SRPK1: variants seen among roughly 807,000 people sequenced by gnomAD.
SRPK1 encodes the protein SFRS protein kinase 1.
A neutral mutation model predicts 89.5 loss-of-function variants in SRPK1; 52 were observed. The observed-to-expected ratio is 0.58, with a 90% CI of 0.46 to 0.73. SRPK1 has a LOEUF of 0.73. Ranked by LOEUF, SRPK1 falls within the 30% of genes least tolerant of loss-of-function variation. SRPK1 has a pLI of 0.00. For synonymous variants in SRPK1, 255 were observed against 270.2 expected, an observed-to-expected ratio of 0.94 and a Z score of 0.55; for missense variants, 603 against 780.6, an observed-to-expected ratio of 0.77 and a Z score of 2.71.
intron 10 of SRPK1, 120 bp downstream of exon 10, chr6:35,870,161 T>C (rs1233094087): frequency 3.2e-6 from 3 of 937,190 alleles, no homozygotes; most frequent in Admixed American, 6.2e-5. Flanking sequence ...ACAAGATCCA[T>C]ATTCTTATAA....
intron 2 of SRPK1, among the ~76,000 whole-genome samples, chr6:35,893,278 A>G (rs1283975243): frequency 1.3e-5 from 2 of 152,218 alleles, no homozygotes; most frequent in Non-Finnish European, 2.9e-5. Flanking sequence ...TGAGCCTAAA[A>G]GTTCAAGACC....
chr6:35,884,864 G>A (rs767659981), intron 6 of SRPK1, among the ~76,000 whole-genome samples: 1 of 152,074 alleles, frequency 6.6e-6, no homozygotes, highest in Non-Finnish European at 1.5e-5. Context: ...GCTGGGTGTG[G>A]TGGCATCCAC....
chr6:35,853,874 G>A (rs1769610362), intron 13 of SRPK1, among the ~76,000 whole-genome samples: 1 of 145,972 alleles, frequency 6.9e-6, no homozygotes, highest in Non-Finnish European at 1.5e-5. Flanking sequence ...CCTGACTCCA[G>A]CATTCGGAGA....
At chr6:35,849,393 T>C (rs1285904129) in intron 13 of SRPK1, among the ~76,000 whole-genome samples, 1 of 152,212 alleles carries the variant, frequency 6.6e-6, no homozygotes, top group Non-Finnish European at 1.5e-5. Context: ...TTGGTGGGAA[T>C]GTAAATTAGT....
intron 2 of SRPK1, among the ~76,000 whole-genome samples, chr6:35,919,219 G>C (rs908302536): frequency 6.6e-6 from 1 of 152,136 alleles, no homozygotes; most frequent in Admixed American, 6.5e-5. Context: ...ACAAGACTTC[G>C]TCACCAAGCA....
chr6:35,857,339 T>A lies in SRPK1; in HGVS notation c.1542A>T (p.Thr514=). The A allele has an allele frequency of 1.9e-6, 3 of 1,612,046 alleles. No homozygotes were observed. The highest frequency in any genetic ancestry group is 2.5e-6 in the Non-Finnish European group (3 of 1,179,048). The part of the protein sequence containing the change: ...VHKHFTEDIQ[T]RQYRSLEVLI... Reference sequence around the variant, plus strand: ...GAACTTCCAAGGAACGATATTGCCTTGTTTGAATATCTTCAGTGAAATGTT... The same window carrying A: ...GAACTTCCAAGGAACGATATTGCCTAGTTTGAATATCTTCAGTGAAATGTT... Residue 514 remains threonine, a synonymous_variant, in exon 13 of 16, where the codon ACA becomes ACT. Coordinates refer to ENST00000373825, the MANE Select transcript of SRPK1 (RefSeq NM_003137.5).
chr6:35,898,211 TC>T (rs1312308012), intron 2 of SRPK1, among the ~76,000 whole-genome samples: 20 of 152,302 alleles, frequency 1.3e-4, no homozygotes, highest in African/African-American at 4.3e-4. Context: ...GAATGAAATG[TC>T]TTTTGCAGCA....
intron 2 of SRPK1, among the ~76,000 whole-genome samples, chr6:35,914,463 A>G (rs1771046242): frequency 6.6e-6 from 1 of 152,196 alleles, no homozygotes; most frequent in Non-Finnish European, 1.5e-5. Flanking sequence ...TCCCATTTCC[A>G]CTGCTTTGCC....
At chr6:35,874,126 C>T in intron 7 of SRPK1, 107 bp downstream of exon 7, 1 of 982,600 alleles carries the variant, frequency 1.0e-6, no homozygotes, top group Non-Finnish European at 1.5e-6. Flanking sequence ...CACACCCGGC[C>T]TTAAAACAAA....
intron 2 of SRPK1, among the ~76,000 whole-genome samples, chr6:35,893,213 G>A (rs143582020): frequency 4.7e-4 from 71 of 152,262 alleles, no homozygotes; most frequent in African/African-American, 1.3e-3. Context: ...GGCCGGTTGC[G>A]GTGGCTCACA....
chr6:35,888,675 CAG>C (rs953301033), intron 4 of SRPK1, 138 bp downstream of exon 4: 11 of 594,588 alleles, frequency 1.9e-5, no homozygotes, highest in Non-Finnish European at 3.0e-5. Context: ...TCCAAGAATA[CAG>C]AGACTATTGC....
intron 6 of SRPK1, among the ~76,000 whole-genome samples, chr6:35,877,106 G>C (rs780827032): frequency 6.6e-6 from 1 of 152,180 alleles, no homozygotes; most frequent in Non-Finnish European, 1.5e-5. Flanking sequence ...CCCAGCATTC[G>C]CATAGGGCTT....
intron 2 of SRPK1, among the ~76,000 whole-genome samples, chr6:35,896,311 A>G (rs551247034): frequency 1.2e-4 from 18 of 152,312 alleles, no homozygotes; most frequent in African/African-American, 4.3e-4. Context: ...ATGGCAGGGG[A>G]AAAAGTCTCA....
intron 1 of SRPK1, 163 bp from the exon 2 acceptor site, chr6:35,920,691 G>C (rs1451484884): frequency 3.3e-6 from 1 of 300,936 alleles, no homozygotes; most frequent in African/African-American, 2.3e-5. Context: ...CGGCCCACGG[G>C]GCGCAGAGCA....
At chr6:35,920,010 G>C in intron 2 of SRPK1, 1 of 452,514 alleles carries the variant, frequency 2.2e-6, no homozygotes. Context: ...TGTGTGGTTG[G>C]TAGAACCCAA....
At chr6:35,904,333 T>C (rs1365380122) in intron 2 of SRPK1, among the ~76,000 whole-genome samples, 1 of 152,120 alleles carries the variant, frequency 6.6e-6, no homozygotes, top group Non-Finnish European at 1.5e-5. Flanking sequence ...ACGAGGCCCA[T>C]GGAACCATGG....
chr6:35,875,461 G>A (rs957261711), intron 6 of SRPK1, among the ~76,000 whole-genome samples: 6 of 151,924 alleles, frequency 3.9e-5, no homozygotes, highest in East Asian at 1.9e-4. Flanking sequence ...TAATCTACCT[G>A]CCTTGGCCTC....
chr6:35,904,766 T>C lies in SRPK1; in HGVS notation c.75-13753A>G, dbSNP rs747014203. 3.9e-4 allele frequency: 75 copies of C among 191,884 alleles called. 1 individual carries two copies. The highest frequency in any genetic ancestry group is 3.9e-3 in the Admixed American group (64 of 16,538). 11.9% of individuals were successfully genotyped at this position (191,884 alleles called of 1,614,324 possible). A position where few individuals can be genotyped will look rare whatever the true frequency, so the allele number is the denominator to read the frequency against. On this transcript the variant is annotated intron_variant, in intron 2 of 15. Transcript: ENST00000373825. ...GTTGTGGTGAGCCGAGATCACACCATTGCACTTTAGCCTGGGCAACAAGAG... is the reference window on the plus strand; with the variant it reads ...GTTGTGGTGAGCCGAGATCACACCACTGCACTTTAGCCTGGGCAACAAGAG...
rs773014559 is a variant in SRPK1, at chr6:35,886,777, T to G, written c.425A>C (p.Glu142Ala). Residue 142 changes from glutamate (E) to alanine (A), a missense_variant, in exon 6 of 16, where the codon GAA becomes GCA. Coordinates refer to ENST00000373825, the MANE Select transcript of SRPK1 (RefSeq NM_003137.5). Reference protein sequence around the residue: ...RNSDPNDPNREMVVQLLDDFK... With the variant: ...RNSDPNDPNRAMVVQLLDDFK... ...GTCATCTAGTAGTTGAACAACCATT[T>G]CTCTATTTGGATCATTAGGGTCTGA... 5 of 1,611,380 alleles carry G rather than the reference T, an allele frequency of 3.1e-6. No individual in the cohort carries two copies. In the African/African-American group the frequency reaches 6.7e-5, roughly 22 times the overall value.
Sources: gnomAD v4.1 joint callset for allele counts (sites outside exome capture counted in the v4.1 genomes callset) on GRCh38, gnomAD v4.1.1 for gene constraint, MANE v1.5 for transcripts, NCBI Gene and HGNC (gene_info 2026-07-23, HGNC 2026-07-21) for gene names.